Variants in CCDC40 observed in about 807,000 individuals in gnomAD.
The protein encoded by CCDC40 is coiled-coil domain-containing protein 40.
CCDC40 carries 104 observed loss-of-function variants against 124.5 expected under a neutral mutation model. The observed-to-expected ratio is 0.84, with a 90% confidence interval of 0.71 to 0.98. The LOEUF (loss-of-function observed/expected upper bound fraction) is 0.98, where lower values mean the gene tolerates loss of function less well. Among genes scored for constraint, CCDC40 ranks in the 50% least tolerant of loss-of-function variants. CCDC40 has a pLI of 0.00. For synonymous variants in CCDC40, 580 were observed against 602.9 expected, an observed-to-expected ratio of 0.96 and a Z score of 0.56; for missense variants, 1,463 against 1,503.9, an observed-to-expected ratio of 0.97 and a Z score of 0.45.
intron 2 of CCDC40, among the ~76,000 whole-genome samples, chr17:80,038,928 A>T (rs191753026): frequency 2.1e-4 from 32 of 152,384 alleles, no homozygotes; most frequent in African/African-American, 7.0e-4. Flanking sequence ...AACAAACTCA[A>T]TTCAGTTGAA....
At position 80,040,240 on chromosome 17, in the gene CCDC40, G is replaced by A; in HGVS notation, c.522G>A (p.Gln174=). The A allele has an allele frequency of 6.2e-7, 1 of 1,613,890 alleles. No individual in the cohort carries two copies. Among genetic ancestry groups the A allele is most frequent in the South Asian group, 1.1e-5 (1 of 91,056 alleles). The change falls in exon 3 of 20, where the codon CAG becomes CAA. Residue 174 remains glutamine, a synonymous_variant. Coordinates refer to ENST00000397545, the MANE Select transcript of CCDC40 (RefSeq NM_017950.4). ...TAGGCCCGTCGGAGCAAATGGGCCA[G>A]GTCACCTCTGGGCCAGCAGTGGGCA... The part of the protein sequence containing the change: ...GVLGPSEQMG[Q]VTSGPAVGRL...
At position 80,089,645 on chromosome 17, in the gene CCDC40, C is replaced by T. The variant is rs544703876; in HGVS notation, c.2712-119C>T. 185 of 1,224,032 alleles carry T rather than the reference C, an allele frequency of 1.5e-4. 1 individual carries two copies. In the Middle Eastern group the frequency reaches 5.2e-3, roughly 35 times the overall value. The allele number at this position is 1,224,032 out of a possible 1,614,324, so 75.8% of individuals were successfully genotyped here. ...GCTTTGAGAGCCTCACGCTTTCTGT[C>T]GCAGCTGCTTGGCTCTGCCATTGCA... On this transcript the variant is annotated intron_variant, in intron 16 of 19. Coordinates refer to ENST00000397545, the MANE Select transcript of CCDC40 (RefSeq NM_017950.4).
rs755987250 is a variant in CCDC40, at chr17:80,067,594, G to A, written c.1562+1988G>A. On this transcript the variant is annotated intron_variant, in intron 10 of 19. Transcript: ENST00000397545. ...TGGCATTCCGCTGGGATACTTCTAC[G>A]GGGAAGCTTCCTGCCCGGGGCATCG... is the stretch of plus-strand genomic sequence containing the variant. The A allele has an allele frequency of 4.7e-5, 72 of 1,536,144 alleles. No individual in the cohort carries two copies. In the South Asian group the frequency reaches 6.2e-4, roughly 13 times the overall value.
rs1297354887 is a variant in CCDC40 at position 80,095,297 on chromosome 17, A to T, written c.2867A>T (p.Lys956Met). 1 of 1,613,918 alleles carries T rather than the reference A, an allele frequency of 6.2e-7. No homozygotes were observed. The highest frequency in any genetic ancestry group is 1.3e-5 in the African/African-American group (1 of 74,950). ...RLGQLLKQQE[K>M]MIRAMELAVA... ...GGGCAGCTGCTGAAGCAGCAGGAGA[A>T]GATGATCCGTGCCATGGAGTTGGCG... Residue 956 changes from lysine (K) to methionine (M), a missense_variant, in exon 18 of 20, where the codon AAG becomes ATG. Lys to Met is a moderately conservative substitution (Grantham distance 95). Transcript: ENST00000397545.
At chr17:80,064,094 A>G (rs2037972084) in intron 9 of CCDC40, among the ~76,000 whole-genome samples, 1 of 148,562 alleles carries the variant, frequency 6.7e-6, no homozygotes, top group Non-Finnish European at 1.5e-5. Flanking sequence ...CTGTGAGAGG[A>G]AAAAAAAGTC....
chr17:80,053,419 A>G (rs202050307), intron 7 of CCDC40, among the ~76,000 whole-genome samples: 1 of 152,174 alleles, frequency 6.6e-6, no homozygotes, highest in African/African-American at 2.4e-5. Context: ...CCCAGATTTC[A>G]GATTGGTTTG....
chr17:80,070,053 C>T (rs1460999248), intron 10 of CCDC40, among the ~76,000 whole-genome samples: 4 of 152,334 alleles, frequency 2.6e-5, no homozygotes, highest in South Asian at 2.1e-4. Flanking sequence ...AGGCTCAGCT[C>T]GGTCTGGTGT....
intron 10 of CCDC40, chr17:80,067,238 C>T (rs890855581): frequency 6.1e-5 from 25 of 413,064 alleles, no homozygotes; most frequent in Non-Finnish European, 1.0e-4. Flanking sequence ...GCAAACCGTC[C>T]TCATTGCCCT....
At chr17:80,067,171 G>A (rs1214478723) in intron 10 of CCDC40, 4 of 226,364 alleles carry the variant, frequency 1.8e-5, no homozygotes, top group African/African-American at 4.6e-5. Flanking sequence ...CGTCACCTCC[G>A]AGATGGTCCT....
chr17:80,065,683 C>T (rs2038027594), intron 10 of CCDC40, 77 bp downstream of exon 10: 1 of 1,580,890 alleles, frequency 6.3e-7, no homozygotes. Context: ...CACCCCCTCT[C>T]TCTGGGTCCA....
chr17:80,071,081 C>T (rs796417809), intron 10 of CCDC40, among the ~76,000 whole-genome samples: 6 of 152,352 alleles, frequency 3.9e-5, no homozygotes, highest in African/African-American at 1.2e-4. Flanking sequence ...GAGGAGCCCA[C>T]GGTCAGCCCC....
At chr17:80,060,083 G>T (rs1375453083) in intron 9 of CCDC40, among the ~76,000 whole-genome samples, 1 of 152,178 alleles carries the variant, frequency 6.6e-6, no homozygotes, top group African/African-American at 2.4e-5. Context: ...GGCTAGCCAA[G>T]AATGGTTTTG....
chr17:80,065,375 T>C (rs969588131), intron 9 of CCDC40, 110 bp from the exon 10 acceptor site: 2 of 1,413,730 alleles, frequency 1.4e-6, no homozygotes, highest in African/African-American at 2.9e-5. Flanking sequence ...AAAGTACCGG[T>C]GATAGAAGGA....
chr17:80,068,191 G>A (rs1453990633), intron 10 of CCDC40, among the ~76,000 whole-genome samples: 3 of 152,200 alleles, frequency 2.0e-5, no homozygotes, highest in East Asian at 3.9e-4. Flanking sequence ...GCACCACCAC[G>A]CCTGGCTAAT....
In CCDC40 at chr17:80,039,803, C is replaced by G; in HGVS notation, c.94-9C>G. 1 of 1,612,990 alleles carries G rather than the reference C, an allele frequency of 6.2e-7. No homozygotes were observed. The highest frequency in any genetic ancestry group is 8.5e-7 in the Non-Finnish European group (1 of 1,179,136). On this transcript the variant is annotated splice_polypyrimidine_tract_variant and intron_variant, in intron 2 of 19. Transcript: ENST00000397545. Reference sequence around the variant, plus strand: ...GTTTCCTGATTTTTTTCCTGCCACACCTTTACAGGTGTCACCACCAGAGAA... The same window carrying G: ...GTTTCCTGATTTTTTTCCTGCCACAGCTTTACAGGTGTCACCACCAGAGAA...
intron 10 of CCDC40, among the ~76,000 whole-genome samples, chr17:80,075,545 C>A (rs961943707): frequency 6.6e-6 from 1 of 152,164 alleles, no homozygotes; most frequent in Non-Finnish European, 1.5e-5. Flanking sequence ...GTGCCAGCAG[C>A]CTGACACCTC....
Position 80,049,920 on chromosome 17 carries a change from A to G in CCDC40, c.870A>G (p.Arg290=). The part of the protein sequence containing the change: ...VLDPDHPLMV[R]FQAALKNYLN... Reference sequence around the variant, plus strand: ...CATTGTTCTAGCCCCTGATGGTAAGATTCCAGGCTGCCCTGAAGAACTACC... The same window carrying G: ...CATTGTTCTAGCCCCTGATGGTAAGGTTCCAGGCTGCCCTGAAGAACTACC... Residue 290 remains arginine, a synonymous_variant, in exon 6 of 20, where the codon AGA becomes AGG. Transcript: ENST00000397545. 1 of 1,614,106 alleles carries G rather than the reference A, an allele frequency of 6.2e-7. No individual in the cohort carries two copies. Among genetic ancestry groups the G allele is most frequent in the Non-Finnish European group, 8.5e-7 (1 of 1,179,990 alleles).
chr17:80,085,958 C>T (rs2038577822), intron 13 of CCDC40, 45 bp from the exon 14 acceptor site: 3 of 1,568,966 alleles, frequency 1.9e-6, no homozygotes, highest in Non-Finnish European at 2.6e-6. Flanking sequence ...GCGTGAGTCA[C>T]TGCGCCCAGC....
intron 3 of CCDC40, 63 bp downstream of exon 3, chr17:80,040,333 T>G (rs1449296223): frequency 7.0e-7 from 1 of 1,428,770 alleles, no homozygotes; most frequent in African/African-American, 1.4e-5. Flanking sequence ...TGTCACCCTA[T>G]GTGAGGAACT....
Sources: allele counts gnomAD v4.1 joint callset (sites outside exome capture counted in the v4.1 genomes callset), GRCh38; gene constraint gnomAD v4.1.1; transcripts MANE v1.5; gene names NCBI Gene and HGNC (gene_info 2026-07-23, HGNC 2026-07-21).